The following ZZEF1 variants were observed in gnomAD, a reference collection of about 807,000 sequenced individuals.
ZZEF1 encodes zinc finger ZZ-type and EF-hand domain-containing protein 1.
In ZZEF1, 157 loss-of-function variants were observed where a neutral mutation model predicts 342.8. The observed-to-expected ratio is 0.46, with a 90% CI of 0.40 to 0.52. ZZEF1 has a LOEUF of 0.52. ZZEF1 is among the 20% of genes least tolerant of loss of function. ZZEF1 has a pLI of 0.00. For synonymous variants in ZZEF1, 1,505 were observed against 1,429.1 expected (o/e 1.05, Z -1.20); for missense variants, 3,480 against 3,725.6 (o/e 0.93, Z 1.72).
At chr17:4,124,133 C>G in intron 1 of ZZEF1, 82 bp from the exon 2 acceptor site, 1 of 1,451,634 alleles carries the variant, frequency 6.9e-7, no homozygotes. Context: ...TTAAAATTCT[C>G]GAGACCGGTG....
rs369380049 is a variant in ZZEF1 at position 4,025,087 on chromosome 17, T to C, written c.6924A>G (p.Gly2308=). 1 of 1,614,112 alleles carries C rather than the reference T, an allele frequency of 6.2e-7. No homozygotes were observed. The highest frequency in any genetic ancestry group is 1.7e-5 in the Admixed American group (1 of 60,016). ...VKDYQLVQKG[G]GQECGDSRAQ... The stretch of plus-strand genomic sequence containing the variant: ...CCCGAGAGTCACCACACTCTTGTCC[T>C]CCTCCCTTCTGGACCAGCTGGTAGT... Residue 2308 remains glycine (G), a synonymous_variant, in exon 43 of 55, where the codon GGA becomes GGG. Transcript: ENST00000381638.
rs144142725 is a variant in ZZEF1 at position 4,007,979 on chromosome 17, C to T, written c.8805+904G>A. On this transcript the variant is annotated intron_variant, in intron 54 of 54. Transcript: ENST00000381638. ...CCGGGGGGGTGGGGGTGTTGGGCCA[C>T]ACACGCGATGATATTCAAGGAGTCC... 2.2e-3 allele frequency among the ~76,000 whole-genome samples: 334 copies of T among 152,046 alleles called. 2 individuals carry two copies. Among genetic ancestry groups the T allele is most frequent in the Admixed American group, 0.016 (240 of 15,284 alleles).
chr17:4,039,854 C>T (rs1012400598), intron 39 of ZZEF1, among the ~76,000 whole-genome samples: 1 of 151,924 alleles, frequency 6.6e-6, no homozygotes. Flanking sequence ...CTGTGTTAGC[C>T]AGGATGGTCT....
chr17:4,042,708 G>GTC, intron 38 of ZZEF1, 140 bp from the exon 39 acceptor site: 1 of 921,992 alleles, frequency 1.1e-6, no homozygotes, highest in Admixed American at 3.3e-5. Context: ...TTGAGAGGGA[G>GTC]TCTCACTCTG....
At chr17:4,083,418 T>C (rs902367901) in intron 16 of ZZEF1, among the ~76,000 whole-genome samples, 3 of 152,226 alleles carry the variant, frequency 2.0e-5, no homozygotes, top group Admixed American at 6.5e-5. Flanking sequence ...TAACTCACAA[T>C]GTGAGAAGTG....
chr17:4,007,508 TG>T (rs369408394), intron 54 of ZZEF1, among the ~76,000 whole-genome samples: 39 of 149,518 alleles, frequency 2.6e-4, no homozygotes, highest in African/African-American at 5.7e-4. Context: ...CAACAGGCTG[TG>T]GGGGGGGTCA....
intron 40 of ZZEF1, chr17:4,033,779 G>C: frequency 1.7e-6 from 1 of 571,542 alleles, no homozygotes; most frequent in Non-Finnish European, 3.1e-6. Flanking sequence ...CCTCATTAGA[G>C]AGTTGAATCA....
At chr17:4,107,979 G>A (rs538553443) in intron 6 of ZZEF1, among the ~76,000 whole-genome samples, 59 of 152,236 alleles carry the variant, frequency 3.9e-4, no homozygotes, top group Non-Finnish European at 8.1e-4. Context: ...CAGACTGCAG[G>A]GGTTGCCACC....
At chr17:4,071,067 C>A in intron 25 of ZZEF1, 143 bp from the exon 26 acceptor site, 1 of 933,614 alleles carries the variant, frequency 1.1e-6, no homozygotes, top group Non-Finnish European at 1.6e-6. Context: ...GAAGACCAGA[C>A]AGAGATATGA....
rs756249090 is a variant in ZZEF1, at chr17:4,050,895, C to T, written c.5749G>A (p.Glu1917Lys). The change falls in exon 36 of 55, where the codon GAG (glutamate) becomes AAG (lysine). Residue 1917 changes from glutamate (E) to lysine (K), a missense_variant. By Grantham distance (56) the Glu-to-Lys change is moderately conservative. Around this residue, in one of 5 missense-constraint regions of ZZEF1, gnomAD observed 1,269 missense variants for 1,342.4 expected, o/e 0.95. Coordinates refer to ENST00000381638, the MANE Select transcript of ZZEF1 (RefSeq NM_015113.4). The part of the protein sequence containing the change: ...ALYSAHLASA[E>K]DVDGEKLDPQ... ...TCCAGCTTCTCCCCATCCACATCCT[C>T]TGCACTGGCCAGGTGGGCGCTATAG... 3.1e-6 allele frequency: 5 copies of T among 1,614,204 alleles called. No homozygotes were observed. In the South Asian group the frequency reaches 5.5e-5, roughly 18 times the overall value.
chr17:4,102,551 A>G, intron 8 of ZZEF1, 136 bp from the exon 9 acceptor site: 1 of 685,074 alleles, frequency 1.5e-6, no homozygotes, highest in Non-Finnish European at 2.5e-6. Flanking sequence ...AAGCTGAAAT[A>G]GAGCAGTAAT....
chr17:4,036,685 T>G (rs564327134), intron 39 of ZZEF1, among the ~76,000 whole-genome samples: 1 of 149,826 alleles, frequency 6.7e-6, no homozygotes, highest in East Asian at 2.0e-4. Context: ...GAGCAGAGAT[T>G]GCACCACTGC....
intron 38 of ZZEF1, among the ~76,000 whole-genome samples, chr17:4,042,797 T>C (rs1267484698): frequency 6.6e-6 from 1 of 152,220 alleles, no homozygotes; most frequent in Non-Finnish European, 1.5e-5. Context: ...TTCTCCTACC[T>C]CAGCCTCCCA....
intron 28 of ZZEF1, among the ~76,000 whole-genome samples, chr17:4,065,743 A>C (rs945742329): frequency 1.3e-5 from 2 of 152,188 alleles, no homozygotes; most frequent in Non-Finnish European, 2.9e-5. Flanking sequence ...ATTTCTCTTA[A>C]AAATATATGA....
chr17:4,064,276 T>G (rs1386462528), intron 29 of ZZEF1, 85 bp downstream of exon 29: 2 of 1,065,292 alleles, frequency 1.9e-6, no homozygotes, highest in Admixed American at 4.6e-5. Flanking sequence ...TTTGTTCGTT[T>G]TTAACATGAA....
intron 1 of ZZEF1, among the ~76,000 whole-genome samples, chr17:4,141,209 A>G (rs2058840457): frequency 6.6e-6 from 1 of 152,202 alleles, no homozygotes; most frequent in South Asian, 2.1e-4. Flanking sequence ...GCGCCCAGCC[A>G]TGACTATTAT....
chr17:4,053,974 G>C, intron 34 of ZZEF1, 83 bp downstream of exon 34: 2 of 1,469,152 alleles, frequency 1.4e-6, no homozygotes, highest in Admixed American at 2.1e-5. Context: ...TTAGTACACT[G>C]AGAGTTTTTA....
chr17:4,120,250 G>C (rs865989351), intron 2 of ZZEF1, among the ~76,000 whole-genome samples: 6 of 152,016 alleles, frequency 3.9e-5, no homozygotes, highest in Admixed American at 6.5e-5. Context: ...CCAGCTACTC[G>C]GGAGGCTGAG....
At position 4,142,561 on chromosome 17, in the gene ZZEF1, G is replaced by T; in HGVS notation, c.335C>A (p.Ser112Tyr). Residue 112 changes from serine to tyrosine, a missense_variant, in exon 1 of 55, where the codon TCT (serine) becomes TAT (tyrosine). Coordinates refer to ENST00000381638, the MANE Select transcript of ZZEF1 (RefSeq NM_015113.4). ...ELLEARGAGC[S>Y]SEQFEEAFAQ... The stretch of plus-strand genomic sequence containing the variant: ...CCTGACCTCCTCGAACTGCTCGCTA[G>T]AGCAGCCGGCGCCGCGAGCCTCCAG... 6.2e-7 allele frequency: 1 copy of T among 1,602,088 alleles called. No homozygotes were observed. Among genetic ancestry groups the T allele is most frequent in the South Asian group, 1.1e-5 (1 of 90,840 alleles).
Sources: gnomAD v4.1 joint callset for allele counts (sites outside exome capture counted in the v4.1 genomes callset) on GRCh38, gnomAD v4.1.1 for gene constraint, gnomAD v4.1.1 regional missense constraint, MANE v1.5 for transcripts, NCBI Gene and HGNC (gene_info 2026-07-23, HGNC 2026-07-21) for gene names.